PPM1E: variants seen among roughly 807,000 people sequenced by gnomAD.
The protein encoded by PPM1E is protein phosphatase, Mg2+/Mn2+ dependent 1E.
PPM1E carries 20 observed loss-of-function variants against 65.9 expected under a neutral mutation model. The observed-to-expected ratio is 0.30, with a 90% CI of 0.21 to 0.44. The LOEUF (loss-of-function observed/expected upper bound fraction) is 0.44, where lower values mean the gene tolerates loss of function less well. Ranked by LOEUF, PPM1E falls within the 20% of genes least tolerant of loss-of-function variation. The pLI is 1.00. For synonymous variants in PPM1E, 352 were observed against 374.9 expected (o/e 0.94, Z 0.70); for missense variants, 713 against 953.1 (o/e 0.75, Z 3.32).
intron 1 of PPM1E, among the ~76,000 whole-genome samples, chr17:58,888,842 T>C (rs2051312531): frequency 6.6e-6 from 1 of 152,198 alleles, no homozygotes; most frequent in African/African-American, 2.4e-5. Flanking sequence ...GATAGTTGAA[T>C]GTCATTTAAG....
intron 1 of PPM1E, among the ~76,000 whole-genome samples, chr17:58,797,370 A>G (rs2050216695): frequency 6.6e-6 from 1 of 152,176 alleles, no homozygotes; most frequent in South Asian, 2.1e-4. Context: ...ACCCTTTCCC[A>G]GTCAGTCTTC....
At chr17:58,964,618 T>C (rs1326623852) in intron 2 of PPM1E, among the ~76,000 whole-genome samples, 1 of 152,188 alleles carries the variant, frequency 6.6e-6, no homozygotes, top group Non-Finnish European at 1.5e-5. Context: ...TTTTTCTATC[T>C]AGGATCACAC....
intron 1 of PPM1E, among the ~76,000 whole-genome samples, chr17:58,896,046 C>A (rs535234829): frequency 4.3e-5 from 6 of 138,208 alleles, no homozygotes; most frequent in African/African-American, 1.6e-4. Flanking sequence ...ACCTGGGAGG[C>A]GGAGCTTGCA....
intron 1 of PPM1E, among the ~76,000 whole-genome samples, chr17:58,924,744 C>T (rs2051803002): frequency 7.4e-6 from 1 of 134,902 alleles, no homozygotes; most frequent in African/African-American, 2.8e-5. Context: ...CACCCCCCAA[C>T]TGGCCCCGGT....
At chr17:58,969,978 G>A (rs535569474) in intron 4 of PPM1E, among the ~76,000 whole-genome samples, 1 of 152,280 alleles carries the variant, frequency 6.6e-6, no homozygotes, top group East Asian at 1.9e-4. Context: ...AATAACTGCT[G>A]GATTTGGCAG....
chr17:58,796,079 G>A (rs1470092454), intron 1 of PPM1E, among the ~76,000 whole-genome samples: 1 of 152,122 alleles, frequency 6.6e-6, no homozygotes, highest in Non-Finnish European at 1.5e-5. Flanking sequence ...TGTTTTTGGA[G>A]TCTGATACTG....
intron 1 of PPM1E, among the ~76,000 whole-genome samples, chr17:58,910,231 T>C (rs550471494): frequency 1.3e-5 from 2 of 152,244 alleles, no homozygotes; most frequent in Non-Finnish European, 2.9e-5. Flanking sequence ...AGGTTTCTAT[T>C]GTATATCCTC....
chr17:58,839,341 A>G (rs2050694836), intron 1 of PPM1E, among the ~76,000 whole-genome samples: 2 of 152,038 alleles, frequency 1.3e-5, no homozygotes, highest in Non-Finnish European at 2.9e-5. Context: ...AAATTTTTTT[A>G]AGGAAAAAAT....
chr17:58,942,005 C>CAA (rs1173378193), intron 1 of PPM1E, among the ~76,000 whole-genome samples: 959 of 67,768 alleles, frequency 0.014, 18 homozygotes, highest in African/African-American at 0.038. Flanking sequence ...GACTTCGTCT[C>CAA]AAAAAAAAAA....
chr17:58,763,303 A>C (rs2049841746), intron 1 of PPM1E, among the ~76,000 whole-genome samples: 1 of 152,092 alleles, frequency 6.6e-6, no homozygotes, highest in South Asian at 2.1e-4. Flanking sequence ...ACATTTATCC[A>C]GCAAATATAA....
chr17:58,769,987 A>G (rs1175972226), intron 1 of PPM1E, among the ~76,000 whole-genome samples: 6 of 152,234 alleles, frequency 3.9e-5, no homozygotes, highest in Admixed American at 1.3e-4. Flanking sequence ...AGATTGTGCC[A>G]CTGCATTCCA....
At chr17:58,834,243 C>T (rs2050632544) in intron 1 of PPM1E, among the ~76,000 whole-genome samples, 2 of 151,950 alleles carry the variant, frequency 1.3e-5, no homozygotes, top group African/African-American at 4.8e-5. Context: ...TTTAATTGGA[C>T]TGCTTACTTA....
At chr17:58,817,717 C>T (rs1042956285) in intron 1 of PPM1E, among the ~76,000 whole-genome samples, 6 of 151,954 alleles carry the variant, frequency 3.9e-5, no homozygotes, top group African/African-American at 9.6e-5. Flanking sequence ...TCCTTATGTC[C>T]TAGAAAATGC....
At chr17:58,881,661 AAAAAAAC>A (rs745680582) in intron 1 of PPM1E, among the ~76,000 whole-genome samples, 55 of 151,978 alleles carry the variant, frequency 3.6e-4, no homozygotes, top group Admixed American at 1.2e-3. Flanking sequence ...ATTCCATCTC[AAAAAAAC>A]AAAAAACAAA....
intron 1 of PPM1E, among the ~76,000 whole-genome samples, chr17:58,826,561 A>G (rs2050539139): frequency 6.6e-6 from 1 of 152,198 alleles, no homozygotes; most frequent in East Asian, 1.9e-4. Flanking sequence ...ATCATTTTAG[A>G]TAGCAAGAAA....
At chr17:58,901,170 G>C (rs897216603) in intron 1 of PPM1E, among the ~76,000 whole-genome samples, 6 of 151,950 alleles carry the variant, frequency 3.9e-5, no homozygotes, top group African/African-American at 1.5e-4. Context: ...TTCAATTCTT[G>C]GTTCTTTTTC....
In PPM1E at chr17:58,772,152, T is replaced by G. The variant is rs139566562; in HGVS notation, c.464+15691T>G. 3.5e-4 allele frequency among the ~76,000 whole-genome samples: 53 copies of G among 152,140 alleles called. 1 individual carries two copies. The East Asian group carries it at 8.3e-3, about 24-fold the overall frequency. On this transcript the variant is annotated intron_variant, in intron 1 of 6. Coordinates refer to ENST00000308249, the MANE Select transcript of PPM1E (RefSeq NM_014906.5). Reference sequence around the variant, plus strand: ...ATCTTGCTGCCTCTGTACAGTATACTGATTAGAGTTAAGATATAGATGCAG... The same window carrying G: ...ATCTTGCTGCCTCTGTACAGTATACGGATTAGAGTTAAGATATAGATGCAG...
intron 1 of PPM1E, among the ~76,000 whole-genome samples, chr17:58,927,227 C>G (rs1015738332): frequency 2.7e-5 from 4 of 150,384 alleles, no homozygotes; most frequent in Admixed American, 6.7e-5. Context: ...CCTGGGTTCA[C>G]GCCATTCTCC....
intron 4 of PPM1E, among the ~76,000 whole-genome samples, chr17:58,970,272 A>G (rs762901077): frequency 9.9e-5 from 15 of 152,202 alleles, no homozygotes; most frequent in African/African-American, 3.4e-4. Flanking sequence ...CATGTCCTAC[A>G]TTGCGAAGGT....
Sources: allele counts gnomAD v4.1 joint callset (sites outside exome capture counted in the v4.1 genomes callset), GRCh38; gene constraint gnomAD v4.1.1; transcripts MANE v1.5; gene names NCBI Gene and HGNC (gene_info 2026-07-23, HGNC 2026-07-21).